The following SASH1 variants were observed in gnomAD, a reference collection of about 807,000 sequenced individuals.
SASH1 encodes SAM and SH3 domain containing 1, also known as SAM and SH3 domain-containing protein 1.
A neutral mutation model predicts 125.2 loss-of-function variants in SASH1; 44 were observed. The ratio of observed to expected loss-of-function variants is 0.35; its 90% confidence interval spans 0.28 to 0.45. The LOEUF is 0.45. Ranked by LOEUF, SASH1 falls within the 20% of genes least tolerant of loss-of-function variation. The pLI, the probability that SASH1 is intolerant of heterozygous loss-of-function variation, is 1.00. For synonymous variants in SASH1, 639 were observed against 649.1 expected (o/e 0.98, Z 0.24); for missense variants, 1,426 against 1,614.5 (o/e 0.88, Z 2.00).
chr6:148,537,778 G>C (rs544140237), intron 16 of SASH1, among the ~76,000 whole-genome samples: 10 of 14,204 alleles, frequency 7.0e-4, no homozygotes, highest in South Asian at 3.9e-3. Flanking sequence ...AGCATATTCT[G>C]TGTGTGTGTG....
intron 2 of SASH1, among the ~76,000 whole-genome samples, chr6:148,408,675 C>T (rs1450319491): frequency 6.6e-6 from 1 of 152,102 alleles, no homozygotes; most frequent in Non-Finnish European, 1.5e-5. Flanking sequence ...TTTCATAATT[C>T]TGATGGAGTT....
intron 1 of SASH1, among the ~76,000 whole-genome samples, chr6:148,379,064 C>T (rs1333275898): frequency 1.3e-5 from 2 of 152,150 alleles, no homozygotes; most frequent in Admixed American, 6.5e-5. Context: ...AAATCAGGGT[C>T]ACAGTTTTCA....
Position 148,548,682 on chromosome 6 carries a change from C to G in SASH1, c.*124C>G. The G allele has an allele frequency of 1.7e-6, 2 of 1,193,374 alleles. No homozygotes were observed. The highest frequency in any genetic ancestry group is 2.3e-6 in the Non-Finnish European group (2 of 863,694). The allele number at this position is 1,193,374 out of a possible 1,614,324, so 73.9% of individuals were successfully genotyped here. On this transcript the variant is annotated 3_prime_UTR_variant, in exon 20 of 20. Coordinates refer to ENST00000367467, the MANE Select transcript of SASH1 (RefSeq NM_015278.5). ...TCCAGAAGAAAGGCCTGGCGTGTGGCCAAACAGCGTGAAACCTTGGCACAG... is the reference window on the plus strand; with the variant it reads ...TCCAGAAGAAAGGCCTGGCGTGTGGGCAAACAGCGTGAAACCTTGGCACAG...
intron 16 of SASH1, among the ~76,000 whole-genome samples, chr6:148,538,152 A>G (rs9498061): frequency 0.18 from 27,932 of 152,056 alleles, 2,638 homozygotes; most frequent in Middle Eastern, 0.2. Flanking sequence ...AGGTGACACA[A>G]TGGATCCCCT....
intron 10 of SASH1, among the ~76,000 whole-genome samples, chr6:148,521,369 G>A (rs1780798242): frequency 6.6e-6 from 1 of 152,232 alleles, no homozygotes; most frequent in Non-Finnish European, 1.5e-5. Context: ...TGAACAGGAT[G>A]TTCTTCCCCA....
intron 5 of SASH1, among the ~76,000 whole-genome samples, chr6:148,470,021 G>A (rs1778024731): frequency 7.2e-6 from 1 of 138,098 alleles, no homozygotes; most frequent in Non-Finnish European, 1.5e-5. Context: ...GCAAGACTCT[G>A]TCTCACTAAA....
intron 7 of SASH1, among the ~76,000 whole-genome samples, chr6:148,487,088 T>TACACACACACACACACACACAC (rs757099589): frequency 2.9e-5 from 3 of 101,716 alleles, no homozygotes; most frequent in African/African-American, 1.2e-4. Context: ...ATAACACATA[T>TACACACACACACACACACACAC]ATATACACAC....
At chr6:148,288,429 C>G (rs1326448421) in intron 1 of SASH1, among the ~76,000 whole-genome samples, 4 of 152,178 alleles carry the variant, frequency 2.6e-5, no homozygotes, top group Non-Finnish European at 5.9e-5. Context: ...AATCAATTAT[C>G]TAAAATTCAG....
At chr6:148,467,285 C>T (rs1267197726) in intron 4 of SASH1, among the ~76,000 whole-genome samples, 8 of 151,904 alleles carry the variant, frequency 5.3e-5, no homozygotes, top group Admixed American at 1.3e-4. Flanking sequence ...TTAGTAGAGA[C>T]GGAGCTTTGC....
chr6:148,335,292 T>C (rs1244116718), intron 1 of SASH1, among the ~76,000 whole-genome samples: 1 of 148,410 alleles, frequency 6.7e-6, no homozygotes, highest in Non-Finnish European at 1.5e-5. Context: ...AGCCAGACTC[T>C]GTCTCAGGAA....
chr6:148,265,909 C>T, the SASH1 span, among the ~76,000 whole-genome samples: 544 of 152,314 alleles, frequency 3.6e-3, 2 homozygotes, highest in African/African-American at 0.012. Flanking sequence ...AATCCAGTCC[C>T]CATATTAGAA....
chr6:148,540,086 C>T (rs1341981204), intron 16 of SASH1, among the ~76,000 whole-genome samples: 1 of 152,124 alleles, frequency 6.6e-6, no homozygotes, highest in African/African-American at 2.4e-5. Context: ...TTTGCTTCTC[C>T]TTGATGGTGC....
Position 148,343,071 on chromosome 6 carries a change from G to C in SASH1, c.4G>C (p.Glu2Gln). 1 of 1,497,742 alleles carries C rather than the reference G, an allele frequency of 6.7e-7. No individual in the cohort carries two copies. The highest frequency in any genetic ancestry group is 8.9e-7 in the Non-Finnish European group (1 of 1,128,780). The allele number at this position is 1,497,742 out of a possible 1,614,324, so 92.8% of individuals were successfully genotyped here. M[E>Q]DAGAAGPGPE... ...GGCCCGCGCGCGGGACACGGCCATGGAGGACGCGGGAGCAGCTGGCCCGGG... is the reference window on the plus strand; with the variant it reads ...GGCCCGCGCGCGGGACACGGCCATGCAGGACGCGGGAGCAGCTGGCCCGGG... The change falls in exon 1 of 20, where the codon GAG (glutamate) becomes CAG (glutamine). Residue 2 changes from glutamate to glutamine, a missense_variant. Physicochemically the swap from Glu to Gln is conservative, Grantham distance 29. Transcript: ENST00000367467.
intron 1 of SASH1, among the ~76,000 whole-genome samples, chr6:148,364,473 A>G (rs1029655604): frequency 3.9e-5 from 6 of 152,206 alleles, no homozygotes; most frequent in Admixed American, 6.5e-5. Context: ...AAGCTCAGCG[A>G]TGGATTACAA....
rs188962856 is a variant in SASH1, at chr6:148,428,185, G to A, written c.286-11999G>A. On this transcript the variant is annotated intron_variant, in intron 2 of 19. Coordinates refer to ENST00000367467, the MANE Select transcript of SASH1 (RefSeq NM_015278.5). ...TGGGCCTACTCTACTTTGTAGTCTT[G>A]TTCCCTCTGCTATTTGTGTCATATA... 3.3e-5 allele frequency among the ~76,000 whole-genome samples: 5 copies of A among 152,262 alleles called. No individual in the cohort carries two copies. The East Asian group carries it at 9.7e-4, about 29-fold the overall frequency.
chr6:148,363,646 C>T (rs998829879), intron 1 of SASH1, among the ~76,000 whole-genome samples: 3 of 151,860 alleles, frequency 2.0e-5, no homozygotes, highest in Non-Finnish European at 4.4e-5. Flanking sequence ...GTGATCCACC[C>T]GTCTCGGCCT....
intron 8 of SASH1, chr6:148,508,668 C>T: frequency 8.5e-7 from 1 of 1,170,618 alleles, no homozygotes; most frequent in Non-Finnish European, 1.1e-6. Context: ...CCAGTGTCTT[C>T]CCCTTTCTCC....
At chr6:148,304,529 G>A (rs544203893) in intron 1 of SASH1, among the ~76,000 whole-genome samples, 3 of 151,542 alleles carry the variant, frequency 2.0e-5, no homozygotes, top group East Asian at 1.9e-4. Context: ...AGACTTGCTC[G>A]AACCGGGGAG....
chr6:148,264,081 G>A, the SASH1 span, among the ~76,000 whole-genome samples: 1 of 148,672 alleles, frequency 6.7e-6, no homozygotes, highest in African/African-American at 2.5e-5. Flanking sequence ...AGGGCTGGAT[G>A]TAACTTTCAA....
Sources: allele counts gnomAD v4.1 joint callset (sites outside exome capture counted in the v4.1 genomes callset), GRCh38; gene constraint gnomAD v4.1.1; transcripts MANE v1.5; gene names NCBI Gene and HGNC (gene_info 2026-07-23, HGNC 2026-07-21).